Variants in EPHA5 observed in about 807,000 individuals in gnomAD.
EPHA5 encodes ephrin type-A receptor 5.
A neutral mutation model predicts 105.0 loss-of-function variants in EPHA5; 60 were observed. The ratio of observed to expected loss-of-function variants is 0.57; its 90% CI spans 0.46 to 0.71. EPHA5 has a LOEUF of 0.71. Ranked by LOEUF, EPHA5 falls within the 30% of genes least tolerant of loss-of-function variation. EPHA5 has a pLI of 0.00. For missense variants in EPHA5, 1,218 were observed against 1,274.7 expected (o/e 0.96, Z 0.68); for synonymous variants, 513 against 449.1 (o/e 1.14, Z -1.80).
chr4:65,417,203 A>C (rs550997853), intron 6 of EPHA5, among the ~76,000 whole-genome samples: 26 of 152,308 alleles, frequency 1.7e-4, no homozygotes, highest in African/African-American at 4.3e-4. Context: ...CTATTAGAGC[A>C]GGGCAATCAC....
chr4:65,562,933 C>T (rs139823199), intron 3 of EPHA5, among the ~76,000 whole-genome samples: 13 of 151,780 alleles, frequency 8.6e-5, no homozygotes, highest in East Asian at 5.8e-4. Context: ...GCTTTGATTA[C>T]GCCACTGTAC....
At chr4:65,664,099 A>G (rs529751356) in intron 1 of EPHA5, among the ~76,000 whole-genome samples, 91 of 152,082 alleles carry the variant, frequency 6.0e-4, no homozygotes, top group African/African-American at 2.0e-3. Context: ...AAATGTCTGG[A>G]AAGTCAGAAA....
chr4:65,374,602 T>G (rs555562511), intron 8 of EPHA5, among the ~76,000 whole-genome samples: 146 of 152,024 alleles, frequency 9.6e-4, no homozygotes, highest in Non-Finnish European at 1.4e-3. Context: ...GAACGCTAAA[T>G]TTCCACAAGT....
intron 5 of EPHA5, among the ~76,000 whole-genome samples, chr4:65,428,875 A>G (rs1254907979): frequency 6.6e-6 from 1 of 152,116 alleles, no homozygotes; most frequent in Non-Finnish European, 1.5e-5. Flanking sequence ...TAATAAAAAT[A>G]GAAAACTATA....
At chr4:65,352,082 T>C (rs566006683) in intron 12 of EPHA5, among the ~76,000 whole-genome samples, 1 of 152,068 alleles carries the variant, frequency 6.6e-6, no homozygotes, top group Admixed American at 6.6e-5. Context: ...TTTTGGAAGT[T>C]TGTCGTCTTT....
intron 2 of EPHA5, among the ~76,000 whole-genome samples, chr4:65,628,926 T>C (rs1578627762): frequency 6.6e-6 from 1 of 152,126 alleles, no homozygotes; most frequent in East Asian, 1.9e-4. Context: ...TCCTGATATA[T>C]ATACTGTAGA....
chr4:65,569,809 G>A (rs1739932625), intron 3 of EPHA5, among the ~76,000 whole-genome samples: 1 of 151,610 alleles, frequency 6.6e-6, no homozygotes, highest in Admixed American at 6.6e-5. Flanking sequence ...AGGGTATAGT[G>A]CCTAAAACAA....
chr4:65,648,917 G>A (rs1038213350), intron 1 of EPHA5, among the ~76,000 whole-genome samples: 2 of 152,154 alleles, frequency 1.3e-5, no homozygotes, highest in African/African-American at 2.4e-5. Flanking sequence ...TACAAAATGA[G>A]TGCAGAGAAA....
chr4:65,568,705 A>C (rs538819708), intron 3 of EPHA5, among the ~76,000 whole-genome samples: 1 of 150,984 alleles, frequency 6.6e-6, no homozygotes, highest in Non-Finnish European at 1.5e-5. Flanking sequence ...ATCAATAGAA[A>C]TAATATCTTA....
intron 14 of EPHA5, among the ~76,000 whole-genome samples, chr4:65,347,781 G>C (rs1199467252): frequency 1.3e-5 from 2 of 152,040 alleles, no homozygotes; most frequent in Admixed American, 1.3e-4. Flanking sequence ...AAATGATACT[G>C]ACAAGAATTG....
At chr4:65,443,869 G>GA (rs1273476888) in intron 5 of EPHA5, among the ~76,000 whole-genome samples, 1 of 151,386 alleles carries the variant, frequency 6.6e-6, no homozygotes. Flanking sequence ...CTATTTCCTT[G>GA]AAAAAAATAG....
At chr4:65,521,461 C>T (rs1227326398) in intron 3 of EPHA5, among the ~76,000 whole-genome samples, 5 of 151,936 alleles carry the variant, frequency 3.3e-5, no homozygotes, top group Non-Finnish European at 5.9e-5. Flanking sequence ...CAACATGGCA[C>T]ATGTATACAT....
rs116588517 is a variant in EPHA5 at position 65,657,782 on chromosome 4, G to A, written c.181+11780C>T. ...TAATATTCGTTCACTAAACACAAAT[G>A]TATAGATTATAACATACTTCACTGA... On this transcript the variant is annotated intron_variant, in intron 1 of 16. Coordinates refer to ENST00000613740, the MANE Select transcript of EPHA5 (RefSeq NM_001281766.3). 2.4e-3 allele frequency among the ~76,000 whole-genome samples: 357 copies of A among 150,586 alleles called. 1 individual carries two copies. The highest frequency in any genetic ancestry group is 8.3e-3 in the African/African-American group (341 of 40,986).
At chr4:65,367,908 C>T (rs920297360) in intron 8 of EPHA5, among the ~76,000 whole-genome samples, 2 of 151,942 alleles carry the variant, frequency 1.3e-5, no homozygotes, top group African/African-American at 4.8e-5. Context: ...CTGTTTTCCA[C>T]TCACATCCAC....
chr4:65,544,265 T>C (rs1482468530), intron 3 of EPHA5, among the ~76,000 whole-genome samples: 1 of 151,690 alleles, frequency 6.6e-6, no homozygotes, highest in East Asian at 1.9e-4. Context: ...ACAGCAAAAG[T>C]AACTATCATC....
chr4:65,541,584 C>T (rs1024704477), intron 3 of EPHA5, among the ~76,000 whole-genome samples: 2 of 151,900 alleles, frequency 1.3e-5, no homozygotes, highest in African/African-American at 2.4e-5. Flanking sequence ...AACACAGGAG[C>T]ACCCAGATTT....
At chr4:65,359,375 T>C (rs1717042542) in intron 11 of EPHA5, among the ~76,000 whole-genome samples, 1 of 151,666 alleles carries the variant, frequency 6.6e-6, no homozygotes, top group Non-Finnish European at 1.5e-5. Context: ...AATTAAAGTT[T>C]ACTCATACTT....
intron 16 of EPHA5, among the ~76,000 whole-genome samples, chr4:65,326,847 G>A (rs560620180): frequency 5.0e-4 from 76 of 151,262 alleles, no homozygotes; most frequent in African/African-American, 1.8e-3. Flanking sequence ...TATTAGGAAT[G>A]AGCCTTTGAA....
intron 3 of EPHA5, among the ~76,000 whole-genome samples, chr4:65,539,748 C>T (rs1736636918): frequency 6.6e-6 from 1 of 151,498 alleles, no homozygotes; most frequent in Admixed American, 6.6e-5. Context: ...GATAATACTG[C>T]ATTATTTGTC....
Sources: allele counts gnomAD v4.1 joint callset (sites outside exome capture counted in the v4.1 genomes callset), GRCh38; gene constraint gnomAD v4.1.1; transcripts MANE v1.5; gene names NCBI Gene and HGNC (gene_info 2026-07-23, HGNC 2026-07-21).